The following PRIMPOL variants were observed in gnomAD, a reference collection of about 807,000 sequenced individuals.
PRIMPOL encodes DNA-directed primase/polymerase protein.
PRIMPOL carries 54 observed loss-of-function variants against 63.6 expected under a neutral mutation model. That is an observed-to-expected ratio of 0.85 (90% confidence interval 0.68 to 1.07). PRIMPOL has a LOEUF of 1.07. Among genes scored for constraint, PRIMPOL ranks in the 50% least tolerant of loss-of-function variants. The pLI is 0.00. For synonymous variants in PRIMPOL, 197 were observed against 220.2 expected, an observed-to-expected ratio of 0.89 and a Z score of 0.93; for missense variants, 610 against 648.3, an observed-to-expected ratio of 0.94 and a Z score of 0.64.
chr4:184,672,493 C>A (rs367648499), intron 7 of PRIMPOL, 33 bp downstream of exon 7: 1 of 1,554,922 alleles, frequency 6.4e-7, no homozygotes, highest in South Asian at 1.3e-5. Flanking sequence ...TCCATCAGAC[C>A]GCCCTGGTGC....
chr4:184,680,942 G>A lies in PRIMPOL; in HGVS notation c.1008-1306G>A, dbSNP rs535529614. Among the ~76,000 whole-genome samples the A allele has an allele frequency of 1.1e-3, 169 of 152,286 alleles. 1 individual carries two copies. The highest frequency in any genetic ancestry group is 3.8e-3 in the African/African-American group (158 of 41,562). On this transcript the variant is annotated intron_variant, in intron 8 of 13. Coordinates refer to ENST00000314970, the MANE Select transcript of PRIMPOL (RefSeq NM_152683.4). ...AATAAGGTCACATTCTTTCTGCCAC[G>A]TATGGAGAAGTGTGAAAAGCAACAT...
chr4:184,664,072 A>G (rs888905877), intron 5 of PRIMPOL, among the ~76,000 whole-genome samples: 6 of 152,238 alleles, frequency 3.9e-5, no homozygotes, highest in African/African-American at 1.4e-4. Context: ...TCAGGGCAAC[A>G]TTGTCCACTC....
intron 13 of PRIMPOL, 170 bp from the exon 14 acceptor site, chr4:184,694,352 C>G: frequency 7.2e-7 from 1 of 1,394,728 alleles, no homozygotes; most frequent in Non-Finnish European, 9.3e-7. Flanking sequence ...ACGTTTGAAT[C>G]AGTGCACTCA....
chr4:184,654,454 T>TTTTTTTTTTTG (rs1745658857), intron 2 of PRIMPOL, among the ~76,000 whole-genome samples: 1 of 112,310 alleles, frequency 8.9e-6, no homozygotes. Context: ...GTTAAAGCAG[T>TTTTTTTTTTTG]TTTTTTTTTT....
At chr4:184,656,456 C>T (rs115724916) in intron 2 of PRIMPOL, among the ~76,000 whole-genome samples, 1,961 of 152,152 alleles carry the variant, frequency 0.013, 16 homozygotes, top group Non-Finnish European at 0.017. Context: ...AAAATTATTG[C>T]CTGGCCCCCT....
At chr4:184,687,696 CCT>C (rs1428276260) in intron 11 of PRIMPOL, among the ~76,000 whole-genome samples, 4 of 152,182 alleles carry the variant, frequency 2.6e-5, no homozygotes, top group Non-Finnish European at 5.9e-5. Context: ...CTCACTGCAA[CCT>C]CTGTCTCCCG....
intron 3 of PRIMPOL, among the ~76,000 whole-genome samples, chr4:184,658,752 C>A (rs938316534): frequency 1.1e-4 from 16 of 151,874 alleles, no homozygotes; most frequent in African/African-American, 3.6e-4. Flanking sequence ...ACTAAAAATA[C>A]AAAAAATTAA....
rs187472042 is a variant in PRIMPOL, at chr4:184,680,478, G to A, written c.1008-1770G>A. 2.3e-3 allele frequency among the ~76,000 whole-genome samples: 354 copies of A among 152,266 alleles called. 3 individuals carry two copies. The highest frequency in any genetic ancestry group is 4.8e-3 in the Admixed American group (74 of 15,292). On this transcript the variant is annotated intron_variant, in intron 8 of 13. Transcript: ENST00000314970. The stretch of plus-strand genomic sequence containing the variant: ...GCTGGGATTACAGGCGTGAGCCACC[G>A]TGCCCGGCCACTTAAATATAATTTT...
At chr4:184,694,134 A>T in intron 13 of PRIMPOL, 1 of 747,660 alleles carries the variant, frequency 1.3e-6, no homozygotes, top group Non-Finnish European at 1.6e-6. Flanking sequence ...ACGATTTGCT[A>T]AATACTTTAA....
At chr4:184,684,185 C>T (rs886502240) in intron 9 of PRIMPOL, among the ~76,000 whole-genome samples, 73 of 152,164 alleles carry the variant, frequency 4.8e-4, no homozygotes, top group African/African-American at 1.3e-3. Context: ...TGGCTGGGTA[C>T]GGTGGCTCAC....
intron 8 of PRIMPOL, among the ~76,000 whole-genome samples, chr4:184,680,014 A>G (rs1215124147): frequency 6.6e-6 from 1 of 152,112 alleles, no homozygotes; most frequent in African/African-American, 2.4e-5. Context: ...GCTAGATGTC[A>G]TTTCTCTTAG....
intron 5 of PRIMPOL, 85 bp downstream of exon 5, chr4:184,661,988 A>C: frequency 1.6e-6 from 2 of 1,283,912 alleles, no homozygotes; most frequent in Non-Finnish European, 2.2e-6. Flanking sequence ...ACATAATAGT[A>C]GGTTCTGTAT....
intron 11 of PRIMPOL, among the ~76,000 whole-genome samples, chr4:184,688,296 T>C (rs1757530875): frequency 1.3e-5 from 2 of 152,252 alleles, no homozygotes; most frequent in Admixed American, 1.3e-4. Flanking sequence ...TTTTGAGATT[T>C]TTCTACTGTT....
rs1386223266 is a variant in PRIMPOL, at chr4:184,666,019, A to T, written c.511A>T (p.Ile171Leu). 4.3e-6 allele frequency: 7 copies of T among 1,610,766 alleles called. No homozygotes were observed. Among genetic ancestry groups the T allele is most frequent in the Non-Finnish European group, 5.9e-6 (7 of 1,178,002 alleles). Residue 171 changes from isoleucine to leucine, a missense_variant, in exon 6 of 14, where the codon ATA becomes TTA. By Grantham distance (5) the Ile-to-Leu change is conservative (BLOSUM62 2). This residue lies in a region of PRIMPOL where 444 missense variants were observed against 456.4 expected (regional missense o/e 0.97). Transcript: ENST00000314970. ...STDEKFSRHL[I>L]FQLHDVAFKD... ...TGATGAAAAATTCAGCCGGCATTTAATATTTCAGCTCCATGATGTGGCATT... is the reference window on the plus strand; with the variant it reads ...TGATGAAAAATTCAGCCGGCATTTATTATTTCAGCTCCATGATGTGGCATT...
At chr4:184,685,384 T>A (rs1360006979) in intron 9 of PRIMPOL, 25 bp from the exon 10 acceptor site, 1 of 1,510,542 alleles carries the variant, frequency 6.6e-7, no homozygotes, top group East Asian at 2.3e-5. Flanking sequence ...CTATTGTAAT[T>A]TATAAACCAT....
chr4:184,691,418 T>G, intron 11 of PRIMPOL, 81 bp from the exon 12 acceptor site: 1 of 799,026 alleles, frequency 1.3e-6, no homozygotes, highest in Non-Finnish European at 2.1e-6. Flanking sequence ...TTAGGCATAT[T>G]TCTTGGAACA....
At position 184,694,903 on chromosome 4, in the gene PRIMPOL, G is replaced by GT. The variant is rs1192364292; in HGVS notation, c.*130dup. The stretch of plus-strand genomic sequence containing the variant: ...TTTATTACTTTGCTTTCCAATTTTT[G>GT]TTTTTTACTTCTGTAAACCAATTTC... On this transcript the variant is annotated 3_prime_UTR_variant, in exon 14 of 14. Transcript: ENST00000314970. 1 of 857,106 alleles carries GT rather than the reference G, an allele frequency of 1.2e-6. No individual in the cohort carries two copies. 53.1% of individuals were successfully genotyped at this position (857,106 alleles called of 1,614,324 possible). A position where few individuals can be genotyped will look rare whatever the true frequency, so the allele number is the denominator to read the frequency against.
chr4:184,672,545 G>C, intron 7 of PRIMPOL, 85 bp downstream of exon 7: 1 of 1,355,630 alleles, frequency 7.4e-7, no homozygotes, highest in Non-Finnish European at 1.0e-6. Context: ...CACCGTGCTC[G>C]GGATTCTTGC....
intron 7 of PRIMPOL, among the ~76,000 whole-genome samples, chr4:184,673,939 C>A (rs1752615737): frequency 6.6e-6 from 1 of 152,222 alleles, no homozygotes. Context: ...CGAGCAGCCA[C>A]ACGGGCAGAG....
Sources: allele counts gnomAD v4.1 joint callset (sites outside exome capture counted in the v4.1 genomes callset), GRCh38; gene constraint gnomAD v4.1.1; regional missense constraint gnomAD v4.1.1; transcripts MANE v1.5; gene names NCBI Gene and HGNC (gene_info 2026-07-23, HGNC 2026-07-21).